Variants in LRP12 observed in about 807,000 individuals in gnomAD.
The protein encoded by LRP12 is LDL receptor related protein 12.
LRP12 carries 14 observed loss-of-function variants against 66.0 expected under a neutral mutation model. That is an observed-to-expected ratio of 0.21 (90% confidence interval 0.14 to 0.33). The LOEUF (loss-of-function observed/expected upper bound fraction) is 0.33. Ranked by LOEUF, LRP12 falls within the 10% of genes least tolerant of loss-of-function variation. The pLI is 1.00. For synonymous variants in LRP12, 357 were observed against 359.1 expected (o/e 0.99, Z 0.07); for missense variants, 889 against 1,053.4 (o/e 0.84, Z 2.16).
chr8:104,500,007 A>C (rs1291055080), intron 3 of LRP12, among the ~76,000 whole-genome samples: 1 of 152,236 alleles, frequency 6.6e-6, no homozygotes, highest in Non-Finnish European at 1.5e-5. Context: ...AGCAAGGTAA[A>C]AGACTGAAAA....
intron 1 of LRP12, among the ~76,000 whole-genome samples, chr8:104,560,362 G>A (rs777280542): frequency 2.0e-5 from 3 of 151,696 alleles, no homozygotes; most frequent in South Asian, 2.1e-4. Flanking sequence ...TCTGTCAATC[G>A]TGCTTAGATA....
chr8:104,534,353 G>T (rs1359320783), intron 1 of LRP12, among the ~76,000 whole-genome samples: 1 of 152,008 alleles, frequency 6.6e-6, no homozygotes, highest in African/African-American at 2.4e-5. Context: ...TGATGTGGAG[G>T]AAAACCTCTG....
intron 2 of LRP12, among the ~76,000 whole-genome samples, chr8:104,528,762 G>C (rs1441319614): frequency 6.6e-6 from 1 of 150,792 alleles, no homozygotes. Flanking sequence ...CCAACAGAGA[G>C]AGTGAGACTC....
At chr8:104,559,889 T>A (rs939115563) in intron 1 of LRP12, among the ~76,000 whole-genome samples, 2 of 152,186 alleles carry the variant, frequency 1.3e-5, no homozygotes, top group Non-Finnish European at 2.9e-5. Context: ...TTAGCATGTA[T>A]CTGTTGCTAT....
intron 1 of LRP12, among the ~76,000 whole-genome samples, chr8:104,538,165 C>CT (rs1326381795): frequency 6.6e-6 from 1 of 152,158 alleles, no homozygotes; most frequent in African/African-American, 2.4e-5. Flanking sequence ...TTTTCTGAAG[C>CT]ATTTAAGGGC....
rs1225977158 is a variant in LRP12, at chr8:104,496,481, G to A, written c.1580+491C>T. Among the ~76,000 whole-genome samples the A allele has an allele frequency of 3.9e-5, 6 of 152,060 alleles. No homozygotes were observed. The East Asian group carries it at 9.6e-4, about 24-fold the overall frequency. On this transcript the variant is annotated intron_variant, in intron 5 of 6. Coordinates refer to ENST00000276654, the MANE Select transcript of LRP12 (RefSeq NM_013437.5). ...CTCCCTCATTAGATTACGTATTTTT[G>A]ACTTTATACCATTTTGTTTCATAGC...
chr8:104,533,926 T>C (rs895646556), intron 1 of LRP12, among the ~76,000 whole-genome samples: 1 of 152,070 alleles, frequency 6.6e-6, no homozygotes, highest in African/African-American at 2.4e-5. Flanking sequence ...CTGAGCTATA[T>C]TGCCAGGATT....
Position 104,497,554 on chromosome 8 carries a change from G to A in LRP12, c.998C>T (p.Thr333Ile). 1.2e-6 allele frequency: 2 copies of A among 1,613,794 alleles called. No homozygotes were observed. The highest frequency in any genetic ancestry group is 1.7e-6 in the Non-Finnish European group (2 of 1,179,898). The part of the protein sequence containing the change: ...ENPHKLLRVL[T>I]AFDSHAPLTV... ...AAGAGGTGCATGAGAATCAAAAGCT[G>A]TCAACACACGCAAAAGCTTGTGTGG... is the stretch of plus-strand genomic sequence containing the variant. The change falls in exon 5 of 7, where the codon ACA becomes ATA. Residue 333 changes from threonine (T) to isoleucine (I), a missense_variant. By Grantham distance (89) the Thr-to-Ile change is moderately conservative. Transcript: ENST00000276654. The surrounding 1 kb of genome is among the most constrained non-coding windows in gnomAD (Gnocchi z 4.3).
At chr8:104,571,747 C>T (rs1812083631) in intron 1 of LRP12, among the ~76,000 whole-genome samples, 1 of 152,226 alleles carries the variant, frequency 6.6e-6, no homozygotes, top group African/African-American at 2.4e-5. Context: ...TGGCAGACTG[C>T]AAACCCTATT....
In LRP12 at chr8:104,548,228, A is replaced by G. The variant is rs1164616853; in HGVS notation, c.80-16265T>C. On this transcript the variant is annotated intron_variant, in intron 1 of 6. Transcript: ENST00000276654. ...ATATATTTATATTAATATATGATAT[A>G]TTTATATTAATATACGATATATATT... Among the ~76,000 whole-genome samples, 36 of 103,160 alleles carry G rather than the reference A, an allele frequency of 3.5e-4. 1 individual carries two copies. Among genetic ancestry groups the G allele is most frequent in the African/African-American group, 1.4e-3 (33 of 23,030 alleles). 67.7% of individuals were successfully genotyped at this position (103,160 alleles called of 152,430 possible). A position where few individuals can be genotyped will look rare whatever the true frequency, so the allele number is the denominator to read the frequency against.
chr8:104,517,724 TAAAGAATATTA>T (rs1811093267), intron 2 of LRP12, among the ~76,000 whole-genome samples: 1 of 152,106 alleles, frequency 6.6e-6, no homozygotes, highest in African/African-American at 2.4e-5. Flanking sequence ...GAGTGTATTA[TAAAGAATATTA>T]ATTCCATTAT....
intron 1 of LRP12, among the ~76,000 whole-genome samples, chr8:104,573,608 T>C (rs2140895834): frequency 6.6e-6 from 1 of 152,194 alleles, no homozygotes; most frequent in Non-Finnish European, 1.5e-5. Flanking sequence ...AGTACAAAAT[T>C]TTTAATTTTT....
intron 3 of LRP12, among the ~76,000 whole-genome samples, chr8:104,501,930 C>T (rs752076123): frequency 1.5e-4 from 23 of 152,160 alleles, no homozygotes; most frequent in Non-Finnish European, 2.6e-4. Context: ...CGATGTTCAA[C>T]TACTTTTTAA....
Position 104,496,998 on chromosome 8 carries a change from A to G in LRP12, c.1554T>C (p.Leu518=). Reference sequence around the variant, plus strand: ...TTCTTTCAAACATTCTCAGAGAATAAAGCTTACAAGTACATCCCAATGCTA... The same window carrying G: ...TTCTTTCAAACATTCTCAGAGAATAGAGCTTACAAGTACATCCCAATGCTA... ...LVIALGCTCK[L]YSLRMFERRS... Residue 518 remains leucine, a synonymous_variant, in exon 5 of 7, where the codon CTT becomes CTC. Transcript: ENST00000276654. The G allele has an allele frequency of 1.3e-6, 2 of 1,536,388 alleles. No homozygotes were observed. The highest frequency in any genetic ancestry group is 1.8e-6 in the Non-Finnish European group (2 of 1,142,802).
At position 104,497,028 on chromosome 8, in the gene LRP12, G is replaced by A. The variant is rs766079775; in HGVS notation, c.1524C>T (p.Leu508=). 11 of 1,583,602 alleles carry A rather than the reference G, an allele frequency of 6.9e-6. No individual in the cohort carries two copies. The highest frequency in any genetic ancestry group is 1.7e-4 in the Middle Eastern group (1 of 5,888). Reference sequence around the variant, plus strand: ...TACAAGTACATCCCAATGCTATGACGAGTAACAGGCCACAGATGAGGCTCC... The same window carrying A: ...TACAAGTACATCCCAATGCTATGACAAGTAACAGGCCACAGATGAGGCTCC... The part of the protein sequence containing the change: ...VIGSLICGLL[L]VIALGCTCKL... Residue 508 remains leucine (L), a synonymous_variant, in exon 5 of 7, where the codon CTC becomes CTT. Transcript: ENST00000276654. The surrounding 1 kb of genome is among the most constrained non-coding windows in gnomAD (Gnocchi z 4.3).
intron 1 of LRP12, among the ~76,000 whole-genome samples, chr8:104,552,535 C>T (rs550928192): frequency 6.6e-6 from 1 of 151,892 alleles, no homozygotes; most frequent in Non-Finnish European, 1.5e-5. Context: ...TTTCTCTCAG[C>T]AAATAGCTAA....
intron 1 of LRP12, among the ~76,000 whole-genome samples, chr8:104,548,276 ATATT>A (rs1206452588): frequency 1.1e-5 from 1 of 90,456 alleles, no homozygotes; most frequent in East Asian, 2.8e-4. Flanking sequence ...GATATATATT[ATATT>A]AATATATCAT....
chr8:104,498,612 T>G (rs1008936058), intron 4 of LRP12, among the ~76,000 whole-genome samples: 1 of 152,228 alleles, frequency 6.6e-6, no homozygotes, highest in African/African-American at 2.4e-5. Context: ...ACCAACATTT[T>G]CTTTACCCAG....
intron 1 of LRP12, among the ~76,000 whole-genome samples, chr8:104,542,512 A>G (rs993460611): frequency 1.3e-5 from 2 of 152,158 alleles, no homozygotes; most frequent in Non-Finnish European, 2.9e-5. Context: ...AGGACAGTCT[A>G]ATTTACCTAT....
Sources: gnomAD v4.1 joint callset for allele counts (sites outside exome capture counted in the v4.1 genomes callset) on GRCh38, gnomAD v4.1.1 for gene constraint, Gnocchi (gnomAD v3.1) non-coding constraint, MANE v1.5 for transcripts, NCBI Gene and HGNC (gene_info 2026-07-23, HGNC 2026-07-21) for gene names.